The following DLGAP1 variants were observed in gnomAD, a reference collection of about 807,000 sequenced individuals.
The protein encoded by DLGAP1 is disks large-associated protein 1.
Under a neutral mutation model 90.8 loss-of-function variants are expected in DLGAP1, and 11 were observed. That is an observed-to-expected ratio of 0.12 (90% CI 0.08 to 0.20). The LOEUF is 0.20. Ranked by LOEUF, DLGAP1 falls within the 10% of genes least tolerant of loss-of-function variation. The pLI, the probability that DLGAP1 is intolerant of heterozygous loss-of-function variation, is 1.00. For missense variants in DLGAP1, 1,050 were observed against 1,333.8 expected, an observed-to-expected ratio of 0.79 and a Z score of 3.31; for synonymous variants, 558 against 540.7, an observed-to-expected ratio of 1.03 and a Z score of -0.44.
chr18:4,270,947 A>G (rs1199754880), intron 1 of DLGAP1, among the ~76,000 whole-genome samples: 1 of 152,184 alleles, frequency 6.6e-6, no homozygotes, highest in African/African-American at 2.4e-5. Context: ...TTTATGAAGT[A>G]ACAATTTTCA....
At chr18:4,071,492 A>G (rs1293620835) in intron 2 of DLGAP1, among the ~76,000 whole-genome samples, 1 of 152,188 alleles carries the variant, frequency 6.6e-6, no homozygotes. Context: ...AACTAACCAA[A>G]TCTCCGACTT....
intron 1 of DLGAP1, among the ~76,000 whole-genome samples, chr18:4,173,265 G>T (rs2077052800): frequency 6.6e-6 from 1 of 152,300 alleles, no homozygotes; most frequent in Admixed American, 6.5e-5. Context: ...AAGGTTTTCT[G>T]CAGAGCCCCA....
intron 1 of DLGAP1, among the ~76,000 whole-genome samples, chr18:4,371,636 T>C (rs184486170): frequency 1.1e-4 from 16 of 152,340 alleles, no homozygotes; most frequent in African/African-American, 3.8e-4. Flanking sequence ...AAATTGGGCT[T>C]TATGTATCTA....
chr18:3,622,997 G>T (rs2058153131), intron 7 of DLGAP1, among the ~76,000 whole-genome samples: 1 of 151,880 alleles, frequency 6.6e-6, no homozygotes, highest in East Asian at 1.9e-4. Context: ...TAGAGAAGGG[G>T]TTTCACCATG....
chr18:4,225,189 T>C (rs2078159918), intron 1 of DLGAP1, among the ~76,000 whole-genome samples: 1 of 152,118 alleles, frequency 6.6e-6, no homozygotes, highest in Non-Finnish European at 1.5e-5. Context: ...CGGTCAGATC[T>C]TCAAGCCTCT....
intron 1 of DLGAP1, among the ~76,000 whole-genome samples, chr18:4,168,712 A>G (rs1002423579): frequency 6.6e-6 from 1 of 152,176 alleles, no homozygotes; most frequent in African/African-American, 2.4e-5. Flanking sequence ...ATCCATATTT[A>G]AACATGTATC....
intron 5 of DLGAP1, among the ~76,000 whole-genome samples, chr18:3,807,097 C>T (rs2066601974): frequency 6.6e-6 from 1 of 152,190 alleles, no homozygotes; most frequent in South Asian, 2.1e-4. Flanking sequence ...AAGCCTGAGT[C>T]AAGATGTTCT....
chr18:4,006,900 G>A (rs927453622), intron 2 of DLGAP1, among the ~76,000 whole-genome samples: 7 of 151,958 alleles, frequency 4.6e-5, no homozygotes, highest in Non-Finnish European at 1.0e-4. Flanking sequence ...CTCCTACCTC[G>A]GCCTACTAAA....
intron 5 of DLGAP1, among the ~76,000 whole-genome samples, chr18:3,770,648 A>C (rs2064485166): frequency 6.6e-6 from 1 of 151,922 alleles, no homozygotes; most frequent in Non-Finnish European, 1.5e-5. Context: ...GTTTTCCAGG[A>C]AATGTGAAGA....
chr18:4,301,605 GGATATGCA>G (rs1408494274), intron 1 of DLGAP1, among the ~76,000 whole-genome samples: 1 of 152,122 alleles, frequency 6.6e-6, no homozygotes, highest in Non-Finnish European at 1.5e-5. Flanking sequence ...CAGTGAACAC[GGATATGCA>G]GATATGCAGA....
intron 11 of DLGAP1, among the ~76,000 whole-genome samples, chr18:3,503,939 T>C (rs951571816): frequency 3.3e-4 from 50 of 151,898 alleles, no homozygotes; most frequent in African/African-American, 1.2e-3. Flanking sequence ...CTACTGAAAA[T>C]ACAAAAATAA....
At chr18:3,744,383 C>G (rs1388560568) in intron 5 of DLGAP1, among the ~76,000 whole-genome samples, 1 of 151,644 alleles carries the variant, frequency 6.6e-6, no homozygotes, top group Non-Finnish European at 1.5e-5. Context: ...ACAGAAATTA[C>G]AAAAAAGAAA....
At chr18:4,053,319 G>A (rs1050666469) in intron 2 of DLGAP1, among the ~76,000 whole-genome samples, 1 of 152,174 alleles carries the variant, frequency 6.6e-6, no homozygotes, top group Admixed American at 6.5e-5. Context: ...GCAGCAAGGA[G>A]AAGTGCAGAG....
intron 7 of DLGAP1, among the ~76,000 whole-genome samples, chr18:3,615,011 T>TC (rs112082978): frequency 1 from 151,940 of 151,966 alleles, 75,957 homozygotes; most frequent in East Asian, 1. Flanking sequence ...AACCTCCGCC[T>TC]CCAGGTTCAA....
chr18:3,889,748 C>T (rs1215426824), intron 3 of DLGAP1, among the ~76,000 whole-genome samples: 1 of 152,286 alleles, frequency 6.6e-6, no homozygotes, highest in Middle Eastern at 3.4e-3. Context: ...TTTGGGAAAT[C>T]TAGGTGGGGA....
At chr18:4,037,538 C>T (rs1289692063) in intron 2 of DLGAP1, among the ~76,000 whole-genome samples, 1 of 152,166 alleles carries the variant, frequency 6.6e-6, no homozygotes, top group African/African-American at 2.4e-5. Context: ...GATGGGAGCC[C>T]TTCTCTTACT....
At chr18:4,328,698 T>C (rs1225417139) in intron 1 of DLGAP1, among the ~76,000 whole-genome samples, 1 of 151,942 alleles carries the variant, frequency 6.6e-6, no homozygotes, top group Non-Finnish European at 1.5e-5. Flanking sequence ...ATCCTCACTA[T>C]CATTTATTAT....
At chr18:3,684,912 A>G (rs1283020226) in intron 7 of DLGAP1, among the ~76,000 whole-genome samples, 1 of 152,260 alleles carries the variant, frequency 6.6e-6, no homozygotes, top group Non-Finnish European at 1.5e-5. Context: ...GGATTTGCAT[A>G]CAGTGAAAAT....
At chr18:3,750,201 A>T (rs949382564) in intron 5 of DLGAP1, among the ~76,000 whole-genome samples, 6 of 152,122 alleles carry the variant, frequency 3.9e-5, no homozygotes, top group African/African-American at 1.4e-4. Flanking sequence ...TTTAGCTCCC[A>T]TTTATAAGTG....
Sources: gnomAD v4.1 joint callset for allele counts (sites outside exome capture counted in the v4.1 genomes callset) on GRCh38, gnomAD v4.1.1 for gene constraint, MANE v1.5 for transcripts, NCBI Gene and HGNC (gene_info 2026-07-23, HGNC 2026-07-21) for gene names.